Variants in FRY observed in about 807,000 individuals in gnomAD.
FRY encodes FRY microtubule binding protein.
In FRY, 128 loss-of-function variants were observed where a neutral mutation model predicts 348.4. That is an observed-to-expected ratio of 0.37 (90% CI 0.32 to 0.43). The LOEUF (loss-of-function observed/expected upper bound fraction) is 0.43. Ranked by LOEUF, FRY falls within the 20% of genes least tolerant of loss-of-function variation. The probability of loss-of-function intolerance (pLI) is 1.00; values close to 1 mark genes in which losing one functional copy is unlikely to be tolerated. For missense variants in FRY, 2,736 were observed against 3,695.2 expected, an observed-to-expected ratio of 0.74 and a Z score of 6.73; for synonymous variants, 1,370 against 1,374.7, an observed-to-expected ratio of 1.00 and a Z score of 0.08.
At chr13:32,227,168 C>T (rs1365971993) in intron 39 of FRY, among the ~76,000 whole-genome samples, 1 of 152,144 alleles carries the variant, frequency 6.6e-6, no homozygotes, top group African/African-American at 2.4e-5. Flanking sequence ...GCAAGACAAA[C>T]AGTAGATAGC....
chr13:32,292,788 C>CTAAA (rs1158678444), intron 59 of FRY, among the ~76,000 whole-genome samples: 9 of 91,568 alleles, frequency 9.8e-5, no homozygotes, highest in Admixed American at 2.6e-4. Context: ...AAGACTCCAT[C>CTAAA]TCAATAAATA....
chr13:32,236,203 C>A, intron 43 of FRY, 31 bp downstream of exon 43: 2 of 1,389,130 alleles, frequency 1.4e-6, no homozygotes, highest in Non-Finnish European at 2.1e-6. Flanking sequence ...ACTTTGACAT[C>A]AAGTATACTG....
At chr13:32,184,535 T>C in intron 24 of FRY, 65 bp from the exon 25 acceptor site, 2 of 989,348 alleles carry the variant, frequency 2.0e-6, no homozygotes. Context: ...TTAATACCAT[T>C]TTCTAAAACA....
At chr13:32,173,874 C>A (rs972645253) in intron 19 of FRY, among the ~76,000 whole-genome samples, 6 of 152,180 alleles carry the variant, frequency 3.9e-5, no homozygotes, top group African/African-American at 1.4e-4. Flanking sequence ...GATATTATTA[C>A]TTTATATTAG....
Position 32,265,620 on chromosome 13 carries a change from A to G in FRY, c.7946+4A>G, listed in dbSNP as rs888804900. 6.2e-7 allele frequency: 1 copy of G among 1,613,558 alleles called. No homozygotes were observed. The highest frequency in any genetic ancestry group is 1.3e-5 in the African/African-American group (1 of 74,920). On this transcript the variant is annotated splice_donor_region_variant and intron_variant, in intron 54 of 60. Transcript: ENST00000542859. Reference sequence around the variant, plus strand: ...TGGACCAGTTTACCCTGGCGAGGTAATGGAGCCCTTGGCTGATGTGAGTGG... The same window carrying G: ...TGGACCAGTTTACCCTGGCGAGGTAGTGGAGCCCTTGGCTGATGTGAGTGG...
chr13:32,095,198 A>AT (rs58935799), intron 2 of FRY, among the ~76,000 whole-genome samples: 140,879 of 152,110 alleles, frequency 0.93, 65,770 homozygotes, highest in Non-Finnish European at 0.99. Flanking sequence ...GGATGATTAG[A>AT]TTTTTTCCCA....
At chr13:32,224,862 G>A in intron 37 of FRY, 71 bp from the exon 38 acceptor site, 1 of 913,330 alleles carries the variant, frequency 1.1e-6, no homozygotes, top group Non-Finnish European at 1.8e-6. Flanking sequence ...ATATTGTACT[G>A]TAACTTAATG....
chr13:32,283,268 T>C lies in FRY; in HGVS notation c.8469+4720T>C, dbSNP rs141868903. Among the ~76,000 whole-genome samples, 181 of 152,188 alleles carry C rather than the reference T, an allele frequency of 1.2e-3. 1 individual carries two copies. Among genetic ancestry groups the C allele is most frequent in the Non-Finnish European group, 1.6e-3 (106 of 68,018 alleles). The stretch of plus-strand genomic sequence containing the variant: ...CTGGGCCTGCCTTCCTCAGTGACAA[T>C]AATGAGCAAGCACTAAGTGTAGACT... On this transcript the variant is annotated intron_variant, in intron 58 of 60. Coordinates refer to ENST00000542859, the MANE Select transcript of FRY (RefSeq NM_023037.3).
In FRY at chr13:32,237,873, AGCT is replaced by A. The variant is rs766413488; in HGVS notation, c.6313_6315del (p.Leu2105del). 6.2e-7 allele frequency: 1 copy of A among 1,614,160 alleles called. No individual in the cohort carries two copies. Among genetic ancestry groups the A allele is most frequent in the Non-Finnish European group, 8.5e-7 (1 of 1,180,016 alleles). On this transcript the variant is annotated inframe_deletion, in exon 44 of 61. Coordinates refer to ENST00000542859, the MANE Select transcript of FRY (RefSeq NM_023037.3). This position sits in a 1 kb window ranked among gnomAD's most constrained non-coding sequence, Gnocchi z 6.3. The stretch of plus-strand genomic sequence containing the variant: ...TGGGCCGACTTCTCCGGGCTGCAGC[AGCT>A]GCTGCTGAAAGGATTCACATCCCTC...
intron 7 of FRY, among the ~76,000 whole-genome samples, chr13:32,126,011 A>G (rs551820598): frequency 1.3e-5 from 2 of 152,346 alleles, no homozygotes; most frequent in Admixed American, 6.5e-5. Context: ...TTGTAGTTTT[A>G]TAGCCTATTA....
chr13:32,189,438 A>G (rs570962994), intron 28 of FRY, among the ~76,000 whole-genome samples: 4 of 152,230 alleles, frequency 2.6e-5, no homozygotes, highest in African/African-American at 7.2e-5. Context: ...AATGACCTAA[A>G]CATCCATCAC....
intron 2 of FRY, among the ~76,000 whole-genome samples, chr13:32,084,821 G>A (rs1875748851): frequency 1.3e-5 from 2 of 152,112 alleles, no homozygotes; most frequent in Admixed American, 6.5e-5. Flanking sequence ...AAGAAGCAAT[G>A]TGTTAGCCTA....
intron 35 of FRY, 149 bp downstream of exon 35, chr13:32,212,531 T>G: frequency 6.1e-6 from 4 of 653,110 alleles, no homozygotes; most frequent in Non-Finnish European, 1.1e-5. Flanking sequence ...ACTTTCCAAC[T>G]CTACTCAGTA....
chr13:32,259,958 G>A (rs1244682863), intron 51 of FRY, among the ~76,000 whole-genome samples: 1 of 152,134 alleles, frequency 6.6e-6, no homozygotes, highest in African/African-American at 2.4e-5. Flanking sequence ...ACACCCCTAA[G>A]AGCAATCATA....
intron 1 of FRY, among the ~76,000 whole-genome samples, chr13:32,052,441 T>C (rs458324): frequency 0.66 from 99,757 of 152,116 alleles, 32,970 homozygotes; most frequent in African/African-American, 0.69. Context: ...ATACCAGGCA[T>C]GCATGTAATT....
chr13:32,080,326 A>G (rs769737819), intron 2 of FRY, among the ~76,000 whole-genome samples: 3 of 152,168 alleles, frequency 2.0e-5, no homozygotes, highest in Non-Finnish European at 4.4e-5. Flanking sequence ...TGTACTTACT[A>G]TGTACTAGGC....
At chr13:32,143,133 G>A (rs990279909) in intron 11 of FRY, among the ~76,000 whole-genome samples, 1 of 152,168 alleles carries the variant, frequency 6.6e-6, no homozygotes, top group Non-Finnish European at 1.5e-5. Flanking sequence ...GGTCACAAAA[G>A]GCCCCTCATG....
chr13:32,043,304 G>T (rs1374588399), intron 1 of FRY, among the ~76,000 whole-genome samples: 1 of 152,136 alleles, frequency 6.6e-6, no homozygotes, highest in Non-Finnish European at 1.5e-5. Flanking sequence ...ATGAGATTTG[G>T]GTGGGGACAC....
chr13:32,131,602 A>G (rs1879368361), intron 7 of FRY, 70 bp from the exon 8 acceptor site: 3 of 1,035,644 alleles, frequency 2.9e-6, no homozygotes, highest in Admixed American at 3.4e-5. Context: ...TCACTCCCAG[A>G]TGCTGGAGGC....
Sources: gnomAD v4.1 joint callset for allele counts (sites outside exome capture counted in the v4.1 genomes callset) on GRCh38, gnomAD v4.1.1 for gene constraint, Gnocchi (gnomAD v3.1) non-coding constraint, MANE v1.5 for transcripts, NCBI Gene and HGNC (gene_info 2026-07-23, HGNC 2026-07-21) for gene names.